SMC3: variants seen among roughly 807,000 people sequenced by gnomAD.
SMC3 encodes the protein structural maintenance of chromosomes 3.
SMC3 carries 20 observed loss-of-function variants against 171.8 expected under a neutral mutation model. That is an observed-to-expected ratio of 0.12 (90% CI 0.08 to 0.17). SMC3 has a LOEUF of 0.17. SMC3 is among the 10% of genes least tolerant of loss of function. The pLI, the probability that SMC3 is intolerant of heterozygous loss-of-function variation, is 1.00. For missense variants in SMC3, 543 were observed against 1,420.4 expected, an observed-to-expected ratio of 0.38 and a Z score of 9.93; for synonymous variants, 464 against 451.1, an observed-to-expected ratio of 1.03 and a Z score of -0.36.
At chr10:110,599,198 A>G (rs1861348333) in intron 20 of SMC3, among the ~76,000 whole-genome samples, 1 of 152,098 alleles carries the variant, frequency 6.6e-6, no homozygotes, top group African/African-American at 2.4e-5. Context: ...CCTGGGTTCA[A>G]GCAATTCTCC....
intron 23 of SMC3, 27 bp from the exon 24 acceptor site, chr10:110,601,610 G>A: frequency 1.2e-6 from 2 of 1,605,538 alleles, no homozygotes; most frequent in Non-Finnish European, 1.7e-6. Flanking sequence ...AGGTATTATA[G>A]CCTAATTTTG....
At chr10:110,572,953 C>T (rs947987142) in intron 2 of SMC3, among the ~76,000 whole-genome samples, 1 of 152,120 alleles carries the variant, frequency 6.6e-6, no homozygotes, top group East Asian at 1.9e-4. Context: ...CTGAAAGGCC[C>T]CTTCAAGCTG....
At position 110,602,383 on chromosome 10, in the gene SMC3, T is replaced by TA. The variant is rs930323694; in HGVS notation, c.3106-85dup. ...AGTCTGTTATCCTTGTTCTTAAGAT[T>TA]AAAAAATAATTGGTTGCTTTTAAAT... is the stretch of plus-strand genomic sequence containing the variant. On this transcript the variant is annotated intron_variant, in intron 25 of 28. Transcript: ENST00000361804. 15 of 1,143,280 alleles carry TA rather than the reference T, an allele frequency of 1.3e-5. No individual in the cohort carries two copies. The African/African-American group carries it at 1.4e-4, about 11-fold the overall frequency. 70.8% of individuals were successfully genotyped at this position (1,143,280 alleles called of 1,614,324 possible).
In SMC3 at chr10:110,598,129, C is replaced by T. The variant is rs1259582658; in HGVS notation, c.2117-10C>T. 1 of 1,612,368 alleles carries T rather than the reference C, an allele frequency of 6.2e-7. No individual in the cohort carries two copies. The highest frequency in any genetic ancestry group is 8.5e-7 in the Non-Finnish European group (1 of 1,178,958). ...ACAACCTGGAGATAATTTTCCTTAG[C>T]CTTGTATATGGATTAATAATGAAAT... On this transcript the variant is annotated splice_polypyrimidine_tract_variant and intron_variant, in intron 19 of 28. Coordinates refer to ENST00000361804, the MANE Select transcript of SMC3 (RefSeq NM_005445.4).
At position 110,583,968 on chromosome 10, in the gene SMC3, A is replaced by G. The variant is rs1340056763; in HGVS notation, c.1091+6A>G. The G allele has an allele frequency of 1.2e-6, 2 of 1,613,400 alleles. No homozygotes were observed. Among genetic ancestry groups the G allele is most frequent in the Admixed American group, 3.3e-5 (2 of 59,922 alleles). On this transcript the variant is annotated splice_donor_region_variant and intron_variant, in intron 12 of 28. Transcript: ENST00000361804. ...GAAGAACGAGGAATTGCTAGGTCTG[A>G]GAACTTTCACCAACACTTTAACTTT...
intron 17 of SMC3, among the ~76,000 whole-genome samples, chr10:110,592,123 G>T (rs1052191530): frequency 1.3e-5 from 2 of 152,076 alleles, no homozygotes; most frequent in Non-Finnish European, 2.9e-5. Context: ...AAATTAGCTG[G>T]ACATGGTAGT....
At chr10:110,600,669 G>C in intron 22 of SMC3, 123 bp downstream of exon 22, 1 of 693,148 alleles carries the variant, frequency 1.4e-6, no homozygotes, top group South Asian at 1.6e-5. Context: ...TTAGTGTCTT[G>C]TGGGCCTTGG....
chr10:110,579,928 T>C (rs1440348984), intron 7 of SMC3, among the ~76,000 whole-genome samples: 1 of 152,232 alleles, frequency 6.6e-6, no homozygotes, highest in Admixed American at 6.5e-5. Context: ...ACTTAAGTTG[T>C]ACCATTCTCT....
chr10:110,583,187 C>T (rs142603691), intron 10 of SMC3, among the ~76,000 whole-genome samples, 197 bp from the exon 11 acceptor site: 52 of 152,224 alleles, frequency 3.4e-4, no homozygotes, highest in African/African-American at 1.1e-3. Context: ...CAACCATGTC[C>T]AGCCATCGTA....
Position 110,602,489 on chromosome 10 carries a change from A to C in SMC3, c.3121A>C (p.Ser1041Arg), listed in dbSNP as rs372599261. 6.2e-7 allele frequency: 1 copy of C among 1,612,530 alleles called. No individual in the cohort carries two copies. The highest frequency in any genetic ancestry group is 1.7e-5 in the Admixed American group (1 of 60,016). ...TTGTTTTAAGGTATCTAAGAACTTCAGTGAAGTATTCCAGAAGTTAGTACC... is the reference window on the plus strand; with the variant it reads ...TTGTTTTAAGGTATCTAAGAACTTCCGTGAAGTATTCCAGAAGTTAGTACC... ...LTFKQVSKNFSEVFQKLVPGG... is the reference protein window; with the variant it reads ...LTFKQVSKNFREVFQKLVPGG... The change falls in exon 26 of 29, where the codon AGT becomes CGT. Residue 1041 changes from serine (S) to arginine (R), a missense_variant. Transcript: ENST00000361804.
chr10:110,592,082 G>A (rs755448971), intron 17 of SMC3, among the ~76,000 whole-genome samples: 4 of 152,028 alleles, frequency 2.6e-5, no homozygotes, highest in Non-Finnish European at 5.9e-5. Flanking sequence ...TGGCCAACAA[G>A]GCAAAACCCT....
intron 3 of SMC3, among the ~76,000 whole-genome samples, chr10:110,574,445 G>A (rs1365686848): frequency 1.3e-5 from 2 of 152,138 alleles, no homozygotes. Flanking sequence ...GAGGGAAAGG[G>A]GCATTTAGTG....
intron 19 of SMC3, 53 bp downstream of exon 19, chr10:110,596,603 T>C: frequency 6.5e-7 from 1 of 1,549,268 alleles, no homozygotes; most frequent in Middle Eastern, 1.7e-4. Flanking sequence ...AGAACTGTGT[T>C]TTGGTTGCCA....
rs961599586 is a variant in SMC3 at position 110,605,793 on chromosome 10, A to G, written c.*1491A>G. ...CACATTTACCCAAGAATTTTTCTCA[A>G]ACAACTACCTAAGAATATTCATCAT... On this transcript the variant is annotated 3_prime_UTR_variant, in exon 29 of 29. Transcript: ENST00000361804. Among the ~76,000 whole-genome samples, 5 of 152,172 alleles carry G rather than the reference A, an allele frequency of 3.3e-5. No individual in the cohort carries two copies.
intron 2 of SMC3, among the ~76,000 whole-genome samples, chr10:110,572,334 TTGAC>T (rs780837816): frequency 6.6e-6 from 1 of 152,242 alleles, no homozygotes; most frequent in African/African-American, 2.4e-5. Context: ...TCCAGTTATG[TTGAC>T]TGACCCAGAA....
At chr10:110,576,122 G>T (rs1860944889) in intron 4 of SMC3, among the ~76,000 whole-genome samples, 1 of 152,148 alleles carries the variant, frequency 6.6e-6, no homozygotes, top group South Asian at 2.1e-4. Flanking sequence ...TTAGCCTACA[G>T]TTGAGCAAAA....
At position 110,601,710 on chromosome 10, in the gene SMC3, T is replaced by TA; in HGVS notation, c.2719dup (p.Met907AsnfsTer12). The TA allele has an allele frequency of 6.2e-7, 1 of 1,612,996 alleles. No homozygotes were observed. The highest frequency in any genetic ancestry group is 8.5e-7 in the Non-Finnish European group (1 of 1,179,634). ...AGAAGAGTATGGAGCGCTGGAAAAA[T>TA]ATGGAAAAAGAACATATGGATGCTA... On this transcript the variant is annotated frameshift_variant, in exon 24 of 29. Transcript: ENST00000361804. LOFTEE classifies it high-confidence loss of function.
intron 1 of SMC3, chr10:110,568,324 T>TC (rs1860813989): frequency 5.5e-6 from 1 of 181,468 alleles, no homozygotes; most frequent in African/African-American, 2.4e-5. Context: ...GGGGAGCCGT[T>TC]CTTCTCCCCA....
chr10:110,584,165 T>C lies in SMC3; in HGVS notation c.1092-18T>C, dbSNP rs11195200. On this transcript the variant is annotated intron_variant, in intron 12 of 28. Coordinates refer to ENST00000361804, the MANE Select transcript of SMC3 (RefSeq NM_005445.4). ...TTATTATTCTCCTTTTCATCCCATT[T>C]GCTTCTATTTTGTGTAGATTGGCTC... The C allele has an allele frequency of 0.12, 186,161 of 1,609,840 alleles. 12,804 individuals are homozygous for C. The highest frequency in any genetic ancestry group is 0.29 in the East Asian group (13,149 of 44,826).
Sources: gnomAD v4.1 joint callset for allele counts (sites outside exome capture counted in the v4.1 genomes callset) on GRCh38, gnomAD v4.1.1 for gene constraint, MANE v1.5 for transcripts, NCBI Gene and HGNC (gene_info 2026-07-23, HGNC 2026-07-21) for gene names.